The following TRIM33 variants were observed in gnomAD, a reference collection of about 807,000 sequenced individuals.
TRIM33 encodes the protein E3 ubiquitin-protein ligase TRIM33.
A neutral mutation model predicts 125.4 loss-of-function variants in TRIM33; 20 were observed. That is an observed-to-expected ratio of 0.16 (90% confidence interval 0.11 to 0.23). The LOEUF is 0.23. Among genes scored for constraint, TRIM33 ranks in the 10% least tolerant of loss-of-function variants. TRIM33 has a pLI of 1.00. For synonymous variants in TRIM33, 564 were observed against 513.9 expected, an observed-to-expected ratio of 1.10 and a Z score of -1.32; for missense variants, 920 against 1,411.4, an observed-to-expected ratio of 0.65 and a Z score of 5.58.
intron 1 of TRIM33, among the ~76,000 whole-genome samples, chr1:114,496,149 G>T (rs1324354322): frequency 6.6e-6 from 1 of 152,196 alleles, no homozygotes; most frequent in Non-Finnish European, 1.5e-5. Context: ...CCTCATATCT[G>T]CCCTACGGCA....
rs1028408008 is a variant in TRIM33 at position 114,394,744 on chromosome 1, C to T, written c.*2904G>A. ...CCTACAATCTAACCATACTTTAGAA[C>T]TTTCACATGCTTTGCCTCATAAAGC... On this transcript the variant is annotated 3_prime_UTR_variant, in exon 20 of 20. Coordinates refer to ENST00000358465, the MANE Select transcript of TRIM33 (RefSeq NM_015906.4). The T allele has an allele frequency of 5.0e-6, 1 of 200,692 alleles. No homozygotes were observed. Among genetic ancestry groups the T allele is most frequent in the Non-Finnish European group, 1.0e-5 (1 of 97,184 alleles). The allele number at this position is 200,692 out of a possible 1,614,324, so 12.4% of individuals were successfully genotyped here.
intron 1 of TRIM33, chr1:114,469,255 C>A: frequency 4.9e-6 from 1 of 203,704 alleles, no homozygotes; most frequent in Non-Finnish European, 1.1e-5. Flanking sequence ...CATGGGCAAG[C>A]AAGCACAGCT....
In TRIM33 at chr1:114,510,605, C is replaced by A; in HGVS notation, c.472G>T (p.Glu158Ter). ...GGGATGGGCACGCTGAGCTGGCGCT[C>A]CGGCTCGGGCAGGCAGCGCAGGCAG... ...SFCLRCLPEPERQLSVPIPGG... is the reference protein window; with the variant it reads ...SFCLRCLPEP Residue 158 changes from glutamate to a stop codon, truncating the protein, a stop_gained, in exon 1 of 20, where the codon GAG becomes TAG. Coordinates refer to ENST00000358465, the MANE Select transcript of TRIM33 (RefSeq NM_015906.4). LOFTEE classifies it high-confidence loss of function. The A allele has an allele frequency of 6.4e-7, 1 of 1,552,616 alleles. No homozygotes were observed. Among genetic ancestry groups the A allele is most frequent in the Non-Finnish European group, 8.7e-7 (1 of 1,154,386 alleles).
chr1:114,446,175 T>C (rs116058604), intron 4 of TRIM33, among the ~76,000 whole-genome samples: 3 of 152,170 alleles, frequency 2.0e-5, no homozygotes, highest in Non-Finnish European at 4.4e-5. Context: ...GATTTTCATA[T>C]GACAAGAAGA....
intron 1 of TRIM33, among the ~76,000 whole-genome samples, chr1:114,502,576 A>C (rs2101573739): frequency 6.6e-6 from 1 of 152,308 alleles, no homozygotes; most frequent in African/African-American, 2.4e-5. Flanking sequence ...GCATGATCGC[A>C]GTTCACTGTA....
At chr1:114,405,896 A>G (rs938569334) in intron 14 of TRIM33, 137 bp from the exon 15 acceptor site, 3 of 801,864 alleles carry the variant, frequency 3.7e-6, no homozygotes, top group African/African-American at 1.7e-5. Flanking sequence ...CAATAGTGCC[A>G]TAAAGAAATG....
intron 1 of TRIM33, among the ~76,000 whole-genome samples, chr1:114,494,130 T>G (rs1383543852): frequency 6.6e-6 from 1 of 151,902 alleles, no homozygotes; most frequent in Admixed American, 6.6e-5. Flanking sequence ...GCCATTTTTT[T>G]TTTTAATTTT....
In TRIM33 at chr1:114,415,000, T is replaced by A. The variant is rs551067020; in HGVS notation, c.2062-4684A>T. ...ATGAGGTAGATTCTATTTTTTTTTT[T>A]TTTTTTTTTTTTGAGACAGGGTCTC... On this transcript the variant is annotated intron_variant, in intron 11 of 19. Transcript: ENST00000358465. Among the ~76,000 whole-genome samples the A allele has an allele frequency of 1.9e-3, 270 of 143,384 alleles. 3 individuals are homozygous for A. Among genetic ancestry groups the A allele is most frequent in the Non-Finnish European group, 2.5e-3 (161 of 65,288 alleles). 94.1% of individuals were successfully genotyped at this position (143,384 alleles called of 152,430 possible).
In TRIM33 at chr1:114,453,204, A is replaced by C. The variant is rs1649421621; in HGVS notation, c.923+9900T>G. On this transcript the variant is annotated intron_variant, in intron 4 of 19. Coordinates refer to ENST00000358465, the MANE Select transcript of TRIM33 (RefSeq NM_015906.4). The stretch of plus-strand genomic sequence containing the variant: ...CATGGCAAAACTGCATCTCTACTAA[A>C]AATACAAAAATTAGCCAGGCGTGGT... 2.0e-5 allele frequency among the ~76,000 whole-genome samples: 3 copies of C among 151,974 alleles called. No individual in the cohort carries two copies. In the East Asian group the frequency reaches 5.8e-4, roughly 29 times the overall value.
chr1:114,444,924 A>C (rs1470599413), intron 4 of TRIM33, among the ~76,000 whole-genome samples: 2 of 152,238 alleles, frequency 1.3e-5, no homozygotes, highest in African/African-American at 4.8e-5. Flanking sequence ...TCAAACCTTT[A>C]AATGAACATA....
chr1:114,504,068 A>C (rs1486290624), intron 1 of TRIM33, among the ~76,000 whole-genome samples: 1 of 152,216 alleles, frequency 6.6e-6, no homozygotes, highest in Non-Finnish European at 1.5e-5. Flanking sequence ...ACAATGACAT[A>C]GGTTTATTTT....
chr1:114,412,905 T>G (rs1052369231), intron 11 of TRIM33, among the ~76,000 whole-genome samples: 14 of 152,356 alleles, frequency 9.2e-5, no homozygotes, highest in Middle Eastern at 3.4e-3. Context: ...AGATACACGT[T>G]TAACTTTTAA....
chr1:114,408,545 T>C (rs1044129751), intron 13 of TRIM33, 132 bp downstream of exon 13: 178 of 570,078 alleles, frequency 3.1e-4, no homozygotes, highest in Non-Finnish European at 5.3e-4. Flanking sequence ...AGAAACAAGA[T>C]TGGCCATTAT....
chr1:114,401,588 T>C (rs557583541), intron 16 of TRIM33, 125 bp from the exon 17 acceptor site: 2 of 656,774 alleles, frequency 3.0e-6, no homozygotes, highest in South Asian at 2.1e-5. Flanking sequence ...CCCTGTTTAC[T>C]AGATACTCAA....
chr1:114,398,686 T>C (rs1181646704), intron 18 of TRIM33, among the ~76,000 whole-genome samples: 1 of 151,990 alleles, frequency 6.6e-6, no homozygotes, highest in African/African-American at 2.4e-5. Flanking sequence ...GTAATAATCA[T>C]ATGGCACCCA....
At chr1:114,482,888 A>G (rs1023012718) in intron 1 of TRIM33, among the ~76,000 whole-genome samples, 1 of 152,336 alleles carries the variant, frequency 6.6e-6, no homozygotes, top group African/African-American at 2.4e-5. Context: ...CACAGCAGGA[A>G]GAACCAGAGA....
intron 1 of TRIM33, among the ~76,000 whole-genome samples, chr1:114,472,623 A>C (rs1187409587): frequency 6.6e-6 from 1 of 152,060 alleles, no homozygotes. Flanking sequence ...CCAGCTACTC[A>C]GGAGGCTGAG....
rs1447449375 is a variant in TRIM33, at chr1:114,433,673, C to A, written c.984G>T (p.Ala328=). The part of the protein sequence containing the change: ...NQKGAIENLL[A]KLLEKKNYVH... ...CATAATTCTTCTTCTCAAGAAGTTT[C>A]GCCAGTAGATTCTCAATTGCACCCT... Residue 328 remains alanine (A), a synonymous_variant, in exon 5 of 20, where the codon GCG becomes GCT. Transcript: ENST00000358465. 4.3e-6 allele frequency: 7 copies of A among 1,612,476 alleles called. No individual in the cohort carries two copies. Among genetic ancestry groups the A allele is most frequent in the African/African-American group, 1.3e-5 (1 of 74,880 alleles).
chr1:114,470,835 C>G (rs1650595336), intron 1 of TRIM33, among the ~76,000 whole-genome samples: 1 of 152,204 alleles, frequency 6.6e-6, no homozygotes, highest in Admixed American at 6.5e-5. Context: ...GGGTCTTGCT[C>G]TATGGCCCAG....
Sources: gnomAD v4.1 joint callset for allele counts (sites outside exome capture counted in the v4.1 genomes callset) on GRCh38, gnomAD v4.1.1 for gene constraint, MANE v1.5 for transcripts, NCBI Gene and HGNC (gene_info 2026-07-23, HGNC 2026-07-21) for gene names.